Variants in DBX2 observed in about 807,000 individuals in gnomAD.
DBX2 encodes the protein developing brain homeobox 2, also known as homeobox protein DBX2.
DBX2 carries 16 observed loss-of-function variants against 17.7 expected under a neutral mutation model. The ratio of observed to expected loss-of-function variants is 0.90; its 90% CI spans 0.61 to 1.37. The LOEUF (loss-of-function observed/expected upper bound fraction) is 1.37. Among genes scored for constraint, DBX2 ranks in the 40% most tolerant of loss-of-function variants. DBX2 has a pLI of 0.00. For missense variants in DBX2, 538 were observed against 433.8 expected (o/e 1.24, Z -2.13); for synonymous variants, 255 against 183.8 (o/e 1.39, Z -3.13).
chr12:45,024,662 AG>A (rs1946372066), intron 2 of DBX2, among the ~76,000 whole-genome samples: 1 of 152,228 alleles, frequency 6.6e-6, no homozygotes, highest in African/African-American at 2.4e-5. Flanking sequence ...TTACACATTG[AG>A]AAATAAGACA....
rs182741900 is a variant in DBX2 at position 45,018,769 on chromosome 12, A to G, written c.688-2151T>C. Among the ~76,000 whole-genome samples the G allele has an allele frequency of 2.3e-3, 348 of 152,250 alleles. 2 individuals are homozygous for G. Among genetic ancestry groups the G allele is most frequent in the Middle Eastern group, 3.4e-3 (1 of 294 alleles). On this transcript the variant is annotated intron_variant, in intron 3 of 3. Coordinates refer to ENST00000332700, the MANE Select transcript of DBX2 (RefSeq NM_001004329.3). ...CATCTAGGAACAGATAAATGGATAA[A>G]TAAAATGTGGTATATACATACAAAG...
chr12:45,030,862 C>G (rs1038538839), intron 2 of DBX2, among the ~76,000 whole-genome samples: 1 of 152,190 alleles, frequency 6.6e-6, no homozygotes, highest in Non-Finnish European at 1.5e-5. Context: ...ATAACACTTT[C>G]AGAAACAGAA....
intron 2 of DBX2, among the ~76,000 whole-genome samples, chr12:45,034,815 C>T (rs1234506514): frequency 6.6e-6 from 1 of 152,224 alleles, no homozygotes; most frequent in Non-Finnish European, 1.5e-5. Context: ...GACTGACACA[C>T]AGAGCCTTGC....
intron 3 of DBX2, among the ~76,000 whole-genome samples, chr12:45,022,955 C>T (rs560848529): frequency 1.1e-4 from 16 of 152,248 alleles, no homozygotes; most frequent in African/African-American, 3.1e-4. Context: ...ATAGGACCTA[C>T]GTTCAGTTTC....
At chr12:45,049,978 G>C (rs940514451) in intron 1 of DBX2, among the ~76,000 whole-genome samples, 1 of 152,086 alleles carries the variant, frequency 6.6e-6, no homozygotes. Context: ...AAATTTAAGA[G>C]TGGAGAAAGC....
At chr12:45,037,304 A>C (rs892319410) in intron 1 of DBX2, among the ~76,000 whole-genome samples, 1 of 152,198 alleles carries the variant, frequency 6.6e-6, no homozygotes, top group African/African-American at 2.4e-5. Context: ...AGATTGCCTA[A>C]AGTGGGCACT....
At position 45,036,057 on chromosome 12, in the gene DBX2, C is replaced by A. The variant is rs777518379; in HGVS notation, c.461G>T (p.Gly154Val). The A allele has an allele frequency of 6.2e-7, 1 of 1,613,674 alleles. No individual in the cohort carries two copies. Among genetic ancestry groups the A allele is most frequent in the Non-Finnish European group, 8.5e-7 (1 of 1,179,894 alleles). Reference sequence around the variant, plus strand: ...GGAGGATGCAGGGCGCCGACAGGACCCACCGCAGCACGCCGAGTAGAATGG... The same window carrying A: ...GGAGGATGCAGGGCGCCGACAGGACACACCGCAGCACGCCGAGTAGAATGG... ...TPPFYSACCG[G>V]SCRRPASSTA... Residue 154 changes from glycine to valine, a missense_variant, in exon 2 of 4, where the codon GGG becomes GTG. Coordinates refer to ENST00000332700, the MANE Select transcript of DBX2 (RefSeq NM_001004329.3).
At position 45,029,039 on chromosome 12, in the gene DBX2, C is replaced by T. The variant is rs193163597; in HGVS notation, c.500-5145G>A. Reference sequence around the variant, plus strand: ...CACAAACACGTTGATGAACCCATACCATTTTCATACCTTCTAAACATACAT... The same window carrying T: ...CACAAACACGTTGATGAACCCATACTATTTTCATACCTTCTAAACATACAT... On this transcript the variant is annotated intron_variant, in intron 2 of 3. Transcript: ENST00000332700. Among the ~76,000 whole-genome samples, 15 of 152,302 alleles carry T rather than the reference C, an allele frequency of 9.8e-5. No homozygotes were observed. The East Asian group carries it at 2.9e-3, about 29-fold the overall frequency.
At chr12:45,047,919 G>T (rs985165484) in intron 1 of DBX2, among the ~76,000 whole-genome samples, 1 of 152,134 alleles carries the variant, frequency 6.6e-6, no homozygotes, top group Admixed American at 6.6e-5. Flanking sequence ...AGCTTATTAG[G>T]AGGATTAAAG....
chr12:45,048,952 G>A (rs1466980818), intron 1 of DBX2, among the ~76,000 whole-genome samples: 3 of 152,228 alleles, frequency 2.0e-5, no homozygotes, highest in Non-Finnish European at 4.4e-5. Flanking sequence ...AAGTGTACAA[G>A]AATGAATATG....
intron 2 of DBX2, among the ~76,000 whole-genome samples, chr12:45,024,907 C>T (rs2643139): frequency 0.63 from 96,374 of 152,054 alleles, 30,977 homozygotes; most frequent in South Asian, 0.84. Context: ...GATCATCAAC[C>T]CCTTGAGGTA....
rs1946321075 is a variant in DBX2 at position 45,016,014 on chromosome 12, T to C, written c.*272A>G. 9.7e-6 allele frequency: 3 copies of C among 308,680 alleles called. No individual in the cohort carries two copies. Among genetic ancestry groups the C allele is most frequent in the Non-Finnish European group, 1.8e-5 (3 of 168,496 alleles). The allele number at this position is 308,680 out of a possible 1,614,324, so 19.1% of individuals were successfully genotyped here. On this transcript the variant is annotated 3_prime_UTR_variant, in exon 4 of 4. Transcript: ENST00000332700. ...ACACACATAGAGACAAACACATATATACACATACTCAGAGCAGGGACCGAG... is the reference window on the plus strand; with the variant it reads ...ACACACATAGAGACAAACACATATACACACATACTCAGAGCAGGGACCGAG...
At chr12:45,049,597 A>G (rs147810412) in intron 1 of DBX2, among the ~76,000 whole-genome samples, 3 of 151,926 alleles carry the variant, frequency 2.0e-5, no homozygotes, top group South Asian at 2.1e-4. Flanking sequence ...AAAAGCGTCT[A>G]TTAGTCATTC....
chr12:45,045,288 A>T lies in DBX2; in HGVS notation c.403+5237T>A, dbSNP rs73278953. Among the ~76,000 whole-genome samples the T allele has an allele frequency of 6.6e-3, 1,010 of 152,352 alleles. 8 individuals carry two copies. The highest frequency in any genetic ancestry group is 0.023 in the African/African-American group (963 of 41,598). ...TTAGAGCTTCTTCTAACCGAAAATT[A>T]AGTAGACAAACACTGTATTAAGGGC... On this transcript the variant is annotated intron_variant, in intron 1 of 3. Transcript: ENST00000332700.
At chr12:45,046,200 G>C (rs1018718370) in intron 1 of DBX2, among the ~76,000 whole-genome samples, 1 of 152,080 alleles carries the variant, frequency 6.6e-6, no homozygotes, top group Non-Finnish European at 1.5e-5. Flanking sequence ...TTAACTTAGG[G>C]ACCACAGAGC....
At chr12:45,016,729 C>G in intron 3 of DBX2, 111 bp from the exon 4 acceptor site, 1 of 987,676 alleles carries the variant, frequency 1.0e-6, no homozygotes, top group South Asian at 2.8e-5. Flanking sequence ...CTTATTATGA[C>G]AGCCAACCTC....
chr12:45,029,801 T>C (rs1311595672), intron 2 of DBX2, among the ~76,000 whole-genome samples: 1 of 151,242 alleles, frequency 6.6e-6, no homozygotes, highest in African/African-American at 2.4e-5. Flanking sequence ...GAGGCACAGG[T>C]TGTAGCAAGC....
intron 2 of DBX2, among the ~76,000 whole-genome samples, chr12:45,030,632 C>T (rs1017159141): frequency 6.6e-5 from 10 of 152,150 alleles, no homozygotes; most frequent in Non-Finnish European, 1.0e-4. Context: ...TAGGCCAAGG[C>T]GTGCTATATA....
chr12:45,045,691 C>T (rs545540986), intron 1 of DBX2, among the ~76,000 whole-genome samples: 3 of 152,082 alleles, frequency 2.0e-5, no homozygotes, highest in African/African-American at 7.2e-5. Context: ...AATAAAATCA[C>T]CCTTGGCAAT....
Sources: gnomAD v4.1 joint callset for allele counts (sites outside exome capture counted in the v4.1 genomes callset) on GRCh38, gnomAD v4.1.1 for gene constraint, MANE v1.5 for transcripts, NCBI Gene and HGNC (gene_info 2026-07-23, HGNC 2026-07-21) for gene names.